DDX59: variants seen among roughly 807,000 people sequenced by gnomAD.
DDX59 encodes DEAD-box helicase 59.
A neutral mutation model predicts 51.9 loss-of-function variants in DDX59; 30 were observed. That is an observed-to-expected ratio of 0.58 (90% CI 0.43 to 0.78). DDX59 has a LOEUF of 0.78. Ranked by LOEUF, DDX59 falls within the 30% of genes least tolerant of loss-of-function variation. The pLI, the probability that DDX59 is intolerant of heterozygous loss-of-function variation, is 0.00. For missense variants in DDX59, 672 were observed against 730.8 expected, an observed-to-expected ratio of 0.92 and a Z score of 0.93; for synonymous variants, 255 against 253.3, an observed-to-expected ratio of 1.01 and a Z score of -0.06.
At position 200,666,757 on chromosome 1, in the gene DDX59, A is replaced by C; in HGVS notation, c.-11-6T>G. ...AACAAACATCCTTCAATATTCTGTTAAGGAAATTATATAATGAGATTTATT... is the reference window on the plus strand; with the variant it reads ...AACAAACATCCTTCAATATTCTGTTCAGGAAATTATATAATGAGATTTATT... On this transcript the variant is annotated splice_region_variant and splice_polypyrimidine_tract_variant and intron_variant, in intron 1 of 7. Transcript: ENST00000331314. 3 of 1,593,174 alleles carry C rather than the reference A, an allele frequency of 1.9e-6. No individual in the cohort carries two copies. The highest frequency in any genetic ancestry group is 2.6e-6 in the Non-Finnish European group (3 of 1,168,896).
chr1:200,648,033 G>C (rs1157215271), intron 7 of DDX59, among the ~76,000 whole-genome samples: 4 of 145,010 alleles, frequency 2.8e-5, no homozygotes, highest in Non-Finnish European at 4.5e-5. Flanking sequence ...TTTTTTTTGG[G>C]GGGGGGGAGG....
chr1:200,649,842 ACT>A (rs1661539641), intron 5 of DDX59, among the ~76,000 whole-genome samples: 1 of 149,294 alleles, frequency 6.7e-6, no homozygotes, highest in Non-Finnish European at 1.5e-5. Context: ...TTAACTTAAT[ACT>A]TTTTTTTTTT....
intron 3 of DDX59, among the ~76,000 whole-genome samples, chr1:200,662,032 C>T (rs976969241): frequency 2.0e-5 from 3 of 152,152 alleles, no homozygotes; most frequent in East Asian, 3.9e-4. Flanking sequence ...TGAAGCTCCT[C>T]GCACCCCCTC....
intron 4 of DDX59, among the ~76,000 whole-genome samples, chr1:200,653,939 A>T (rs1571625703): frequency 6.6e-6 from 1 of 152,192 alleles, no homozygotes; most frequent in Non-Finnish European, 1.5e-5. Context: ...TCACAGCTAC[A>T]CGAGACAGTT....
intron 2 of DDX59, 51 bp from the exon 3 acceptor site, chr1:200,664,137 T>G (rs1271537917): frequency 1.3e-6 from 2 of 1,570,782 alleles, no homozygotes; most frequent in Non-Finnish European, 1.7e-6. Context: ...TAATTCCTGC[T>G]GATATGAACT....
intron 4 of DDX59, chr1:200,654,757 C>G (rs965846504): frequency 2.0e-5 from 3 of 152,348 alleles, no homozygotes; most frequent in Non-Finnish European, 4.4e-5. Context: ...ACAGAAGACA[C>G]GGAGGGTCGC....
downstream of DDX59, among the ~76,000 whole-genome samples, chr1:200,642,496 G>C (rs918913992): frequency 6.6e-5 from 10 of 152,110 alleles, no homozygotes; most frequent in Non-Finnish European, 1.2e-4. Flanking sequence ...TTTTTTAAAA[G>C]TCTAATGTTC....
rs528108052 is a variant in DDX59 at position 200,664,982 on chromosome 1, C to T, written c.805-896G>A. On this transcript the variant is annotated intron_variant, in intron 2 of 7. Transcript: ENST00000331314. ...GAGCCACTGTGCCCCGCCTTCCCCA[C>T]ATTTTTTACTCACTTCCCTTCCTGC... 5.3e-5 allele frequency among the ~76,000 whole-genome samples: 8 copies of T among 152,318 alleles called. No individual in the cohort carries two copies. The South Asian group carries it at 1.2e-3, about 24-fold the overall frequency.
intron 3 of DDX59, among the ~76,000 whole-genome samples, chr1:200,661,252 A>G (rs564205949): frequency 6.6e-6 from 1 of 152,220 alleles, no homozygotes; most frequent in East Asian, 1.9e-4. Context: ...TAGATTGTAA[A>G]CCTTTGAATA....
intron 5 of DDX59, 64 bp from the exon 6 acceptor site, chr1:200,649,290 T>C (rs925277056): frequency 2.9e-5 from 41 of 1,401,282 alleles, no homozygotes; most frequent in Non-Finnish European, 3.8e-5. Context: ...GGGAAGTTTT[T>C]CTGAAAGATT....
At chr1:200,652,293 T>C (rs997479384) in intron 4 of DDX59, among the ~76,000 whole-genome samples, 4 of 151,786 alleles carry the variant, frequency 2.6e-5, no homozygotes, top group African/African-American at 7.3e-5. Flanking sequence ...GCTGGGACTA[T>C]AGGTACAAGC....
chr1:200,643,490 A>T (rs973364430), downstream of DDX59, among the ~76,000 whole-genome samples: 3 of 150,880 alleles, frequency 2.0e-5, no homozygotes, highest in African/African-American at 7.3e-5. Context: ...AAAAATACAA[A>T]AAATTAGCCG....
chr1:200,665,017 T>C (rs908027452), intron 2 of DDX59, among the ~76,000 whole-genome samples: 1 of 152,348 alleles, frequency 6.6e-6, no homozygotes, highest in Non-Finnish European at 1.5e-5. Flanking sequence ...CCATACTTCA[T>C]ACTTCACAAG....
At chr1:200,648,402 C>T (rs775364291) in intron 7 of DDX59, 37 bp downstream of exon 7, 12 of 1,609,354 alleles carry the variant, frequency 7.5e-6, no homozygotes, top group South Asian at 5.5e-5. Context: ...CAATAAAACT[C>T]GTGAACAAAA....
downstream of DDX59, chr1:200,641,181 G>A (rs1012647627): frequency 3.1e-6 from 4 of 1,304,722 alleles, no homozygotes; most frequent in Non-Finnish European, 4.0e-6. Context: ...ATTGTGGTGA[G>A]TAGACTGTAT....
At chr1:200,665,562 T>C (rs1662673364) in intron 2 of DDX59, among the ~76,000 whole-genome samples, 1 of 152,198 alleles carries the variant, frequency 6.6e-6, no homozygotes, top group African/African-American at 2.4e-5. Flanking sequence ...ATCAGTTTCT[T>C]CAAAACACAA....
chr1:200,655,547 C>T (rs1347573812), intron 4 of DDX59, among the ~76,000 whole-genome samples: 2 of 152,162 alleles, frequency 1.3e-5, no homozygotes, highest in African/African-American at 4.8e-5. Context: ...CCCTAACAAC[C>T]CAATTTTACC....
intron 7 of DDX59, among the ~76,000 whole-genome samples, chr1:200,647,648 A>G (rs1661372226): frequency 6.6e-6 from 1 of 151,782 alleles, no homozygotes; most frequent in Admixed American, 6.6e-5. Flanking sequence ...CTTACCTTTC[A>G]AAAACAAAAT....
At chr1:200,647,905 C>T (rs1316597115) in intron 7 of DDX59, among the ~76,000 whole-genome samples, 32 of 149,658 alleles carry the variant, frequency 2.1e-4, no homozygotes, top group African/African-American at 5.4e-4. Flanking sequence ...ACCTGGGAGG[C>T]GCAGGTTGCA....
Sources: gnomAD v4.1 joint callset for allele counts (sites outside exome capture counted in the v4.1 genomes callset) on GRCh38, gnomAD v4.1.1 for gene constraint, MANE v1.5 for transcripts, NCBI Gene and HGNC (gene_info 2026-07-23, HGNC 2026-07-21) for gene names.